TNIK: variants seen among roughly 807,000 people sequenced by gnomAD.
The protein encoded by TNIK is TRAF2 and NCK interacting kinase, also known as TRAF2 and NCK-interacting protein kinase.
Under a neutral mutation model 191.3 loss-of-function variants are expected in TNIK, and 49 were observed. The ratio of observed to expected loss-of-function variants is 0.26; its 90% CI spans 0.20 to 0.32. TNIK has a LOEUF of 0.32. TNIK is among the 10% of genes least tolerant of loss of function. The probability of loss-of-function intolerance (pLI) is 1.00; values close to 1 mark genes in which losing one functional copy is unlikely to be tolerated. For missense variants in TNIK, 1,155 were observed against 1,702.3 expected, an observed-to-expected ratio of 0.68 and a Z score of 5.66; for synonymous variants, 594 against 600.9, an observed-to-expected ratio of 0.99 and a Z score of 0.17.
chr3:171,391,121 A>G (rs1719453388), intron 1 of TNIK, among the ~76,000 whole-genome samples: 1 of 152,176 alleles, frequency 6.6e-6, no homozygotes, highest in Non-Finnish European at 1.5e-5. Context: ...TGCATCTACC[A>G]TTTGTAATAT....
intron 1 of TNIK, among the ~76,000 whole-genome samples, chr3:171,437,841 T>C (rs1726215083): frequency 6.6e-6 from 1 of 152,226 alleles, no homozygotes; most frequent in Admixed American, 6.5e-5. Context: ...CCAGATGACT[T>C]AAACAAAAAT....
At chr3:171,423,112 G>A (rs1724044926) in intron 1 of TNIK, among the ~76,000 whole-genome samples, 1 of 152,104 alleles carries the variant, frequency 6.6e-6, no homozygotes, top group Non-Finnish European at 1.5e-5. Flanking sequence ...ATCTCCTTAA[G>A]CTGATAAGCA....
intron 2 of TNIK, among the ~76,000 whole-genome samples, chr3:171,337,028 T>G (rs1757024921): frequency 6.6e-6 from 1 of 152,180 alleles, no homozygotes; most frequent in African/African-American, 2.4e-5. Flanking sequence ...CTCACCTCTC[T>G]AAGCCAGTTT....
At chr3:171,209,362 A>G (rs1740506962) in intron 4 of TNIK, among the ~76,000 whole-genome samples, 1 of 152,008 alleles carries the variant, frequency 6.6e-6, no homozygotes, top group Admixed American at 6.6e-5. Flanking sequence ...TTTCCTATTG[A>G]TTTATAAAAA....
chr3:171,126,318 A>G (rs999320089), intron 16 of TNIK, among the ~76,000 whole-genome samples, 167 bp from the exon 17 acceptor site: 11 of 152,252 alleles, frequency 7.2e-5, no homozygotes, highest in African/African-American at 2.6e-4. Flanking sequence ...GCTCTTCAAA[A>G]TTTTCCATTG....
At chr3:171,305,861 C>T (rs550990853) in intron 2 of TNIK, among the ~76,000 whole-genome samples, 8 of 152,302 alleles carry the variant, frequency 5.3e-5, no homozygotes, top group African/African-American at 1.4e-4. Flanking sequence ...AATCCCACTA[C>T]TGGGTATATA....
intron 1 of TNIK, among the ~76,000 whole-genome samples, chr3:171,417,271 T>C (rs1723208986): frequency 6.6e-6 from 1 of 152,176 alleles, no homozygotes; most frequent in African/African-American, 2.4e-5. Flanking sequence ...CTCAATAAAT[T>C]AGTAGCATAT....
At chr3:171,221,355 G>A (rs1425980587) in intron 3 of TNIK, among the ~76,000 whole-genome samples, 1 of 152,136 alleles carries the variant, frequency 6.6e-6, no homozygotes, top group Non-Finnish European at 1.5e-5. Context: ...TGAAGGTCAA[G>A]CTCCCAAATC....
At chr3:171,359,541 C>G (rs1178724247) in intron 2 of TNIK, among the ~76,000 whole-genome samples, 1 of 152,060 alleles carries the variant, frequency 6.6e-6, no homozygotes, top group Non-Finnish European at 1.5e-5. Flanking sequence ...GCAACAGGAC[C>G]AAGATCCGAA....
intron 2 of TNIK, among the ~76,000 whole-genome samples, chr3:171,244,820 T>C (rs1043774472): frequency 1.3e-5 from 2 of 149,972 alleles, no homozygotes; most frequent in African/African-American, 4.9e-5. Flanking sequence ...CTTTAAATAT[T>C]ATATATTTAT....
intron 3 of TNIK, among the ~76,000 whole-genome samples, chr3:171,212,579 A>C (rs1382602671): frequency 1.3e-5 from 2 of 152,118 alleles, no homozygotes; most frequent in Admixed American, 6.5e-5. Context: ...ATCATCATGT[A>C]TCTTTTCCTT....
intron 1 of TNIK, among the ~76,000 whole-genome samples, chr3:171,446,597 G>A (rs1016363265): frequency 6.6e-6 from 1 of 152,080 alleles, no homozygotes; most frequent in African/African-American, 2.4e-5. Context: ...TCCAGAATAC[G>A]GAGCTTTTTA....
At chr3:171,234,467 C>T (rs1179501060) in intron 2 of TNIK, among the ~76,000 whole-genome samples, 2 of 152,198 alleles carry the variant, frequency 1.3e-5, no homozygotes, top group African/African-American at 4.8e-5. Context: ...AGCAATTACT[C>T]TCCATCTCAA....
At chr3:171,358,605 T>C (rs1448996472) in intron 2 of TNIK, among the ~76,000 whole-genome samples, 2 of 152,222 alleles carry the variant, frequency 1.3e-5, no homozygotes, top group African/African-American at 4.8e-5. Context: ...TTAGGATTCA[T>C]ACAAAATGCT....
intron 2 of TNIK, among the ~76,000 whole-genome samples, chr3:171,321,394 C>T (rs1200274880): frequency 2.0e-5 from 3 of 152,022 alleles, no homozygotes; most frequent in Admixed American, 6.6e-5. Flanking sequence ...GTTTCTTCAT[C>T]GTCTTAGGTC....
At chr3:171,453,856 A>G (rs192328857) in intron 1 of TNIK, among the ~76,000 whole-genome samples, 8 of 152,316 alleles carry the variant, frequency 5.3e-5, no homozygotes, top group African/African-American at 1.9e-4. Context: ...CAACCAGGAC[A>G]TGTAAAAAAG....
intron 3 of TNIK, among the ~76,000 whole-genome samples, chr3:171,226,016 T>C (rs1021636490): frequency 5.9e-5 from 9 of 152,176 alleles, no homozygotes; most frequent in South Asian, 4.1e-4. Flanking sequence ...GTTCTGTGGT[T>C]GGAGCTTTGT....
At chr3:171,325,374 C>T (rs1755636455) in intron 2 of TNIK, among the ~76,000 whole-genome samples, 1 of 152,040 alleles carries the variant, frequency 6.6e-6, no homozygotes, top group African/African-American at 2.4e-5. Context: ...CTCCAAATAT[C>T]CCTTTGCCAT....
chr3:171,078,129 G>T (rs1482388813), intron 28 of TNIK, among the ~76,000 whole-genome samples: 1 of 152,082 alleles, frequency 6.6e-6, no homozygotes, highest in African/African-American at 2.4e-5. Flanking sequence ...CCCAGGTATT[G>T]ATATATCATG....
Sources: gnomAD v4.1 joint callset for allele counts (sites outside exome capture counted in the v4.1 genomes callset) on GRCh38, gnomAD v4.1.1 for gene constraint, MANE v1.5 for transcripts, NCBI Gene and HGNC (gene_info 2026-07-23, HGNC 2026-07-21) for gene names.